MXRA7: variants seen among roughly 807,000 people sequenced by gnomAD.
The protein encoded by MXRA7 is matrix remodeling associated 7.
MXRA7 carries 18 observed loss-of-function variants against 17.4 expected under a neutral mutation model. The observed-to-expected ratio is 1.03, with a 90% CI of 0.71 to 1.53. MXRA7 has a LOEUF of 1.53. MXRA7 is among the 40% of genes most tolerant of loss of function. MXRA7 has a pLI of 0.00. For synonymous variants in MXRA7, 70 were observed against 101.7 expected (o/e 0.69, Z 1.87); for missense variants, 141 against 209.3 (o/e 0.67, Z 2.01).
chr17:76,675,854 G>A (rs569550786), downstream of MXRA7: 1 of 152,352 alleles, frequency 6.6e-6, no homozygotes, highest in South Asian at 2.1e-4. Context: ...AGAGGCGACG[G>A]CGGGAAGTTA....
intron 3 of MXRA7, chr17:76,683,820 A>G: frequency 6.3e-7 from 1 of 1,578,270 alleles, no homozygotes; most frequent in Non-Finnish European, 8.7e-7. Flanking sequence ...GGGGAGCACC[A>G]CTAGTCTAAG....
intron 1 of MXRA7, among the ~76,000 whole-genome samples, chr17:76,701,713 T>A (rs1204564391): frequency 6.6e-6 from 1 of 152,064 alleles, no homozygotes; most frequent in Non-Finnish European, 1.5e-5. Context: ...ACAGGATCAC[T>A]GTTCCTGCGA....
rs747411198 is a variant in MXRA7, at chr17:76,680,825, C to A, written c.*42G>T. On this transcript the variant is annotated 3_prime_UTR_variant, in exon 4 of 4. Coordinates refer to ENST00000449428, the MANE Select transcript of MXRA7 (RefSeq NM_198530.4). ...TTTTATCTCTCAAGCTTTTAAGATG[C>A]CAAAAGGAAAAGCCTTTAGGAGGAC... 82 of 1,602,528 alleles carry A rather than the reference C, an allele frequency of 5.1e-5. 1 individual carries two copies. Among genetic ancestry groups the A allele is most frequent in the Admixed American group, 4.1e-4 (24 of 58,036 alleles).
chr17:76,693,486 AAAAAAAAG>A (rs2076499885), intron 1 of MXRA7, among the ~76,000 whole-genome samples: 1 of 151,228 alleles, frequency 6.6e-6, no homozygotes, highest in Non-Finnish European at 1.5e-5. Context: ...AAAAAAAAAA[AAAAAAAAG>A]AAAAAGAAAT....
intron 1 of MXRA7, among the ~76,000 whole-genome samples, chr17:76,702,731 A>C (rs1250123848): frequency 6.6e-6 from 1 of 151,758 alleles, no homozygotes; most frequent in Non-Finnish European, 1.5e-5. Context: ...AGGTGCCTGT[A>C]ATCCCAACTA....
chr17:76,693,379 C>G (rs992588831), intron 1 of MXRA7, among the ~76,000 whole-genome samples: 1 of 147,754 alleles, frequency 6.8e-6, no homozygotes, highest in Non-Finnish European at 1.5e-5. Context: ...GCAGGAGAAT[C>G]GTTGGACCCT....
intron 1 of MXRA7, among the ~76,000 whole-genome samples, chr17:76,694,927 G>A (rs2076517450): frequency 6.6e-6 from 1 of 152,112 alleles, no homozygotes; most frequent in Non-Finnish European, 1.5e-5. Context: ...GGAGGCTGAG[G>A]TGGGTGGATC....
chr17:76,695,133 C>T (rs1359490289), intron 1 of MXRA7, among the ~76,000 whole-genome samples: 1 of 152,134 alleles, frequency 6.6e-6, no homozygotes, highest in African/African-American at 2.4e-5. Flanking sequence ...GCACTCCAGC[C>T]TGGGCAACAA....
intron 3 of MXRA7, 113 bp downstream of exon 3, chr17:76,684,959 G>A: frequency 1.2e-6 from 1 of 842,616 alleles, no homozygotes; most frequent in Admixed American, 2.0e-5. Flanking sequence ...GCGTGTAGGA[G>A]CCCCACCTCC....
At chr17:76,675,741 C>T (rs374088869), downstream of MXRA7, 5 of 151,900 alleles carry the variant, frequency 3.3e-5, no homozygotes, top group South Asian at 4.2e-4. Context: ...GAAAAACACT[C>T]GTATTTGGAT....
chr17:76,677,143 T>C (rs1328776758), downstream of MXRA7: 1 of 154,782 alleles, frequency 6.5e-6, no homozygotes, highest in East Asian at 1.9e-4. Flanking sequence ...AAATACAAAA[T>C]TAGCCAGGTG....
intron 3 of MXRA7, among the ~76,000 whole-genome samples, chr17:76,682,137 T>C (rs377291401): frequency 1.6e-4 from 25 of 152,194 alleles, no homozygotes; most frequent in East Asian, 3.8e-4. Flanking sequence ...GGGGAACTAA[T>C]TGGGGGCCTT....
At chr17:76,706,285 C>CCCACGCTGCCGTCACAGAGGA (rs2076656760) in intron 1 of MXRA7, among the ~76,000 whole-genome samples, 1 of 116,756 alleles carries the variant, frequency 8.6e-6, no homozygotes, top group African/African-American at 3.1e-5. Context: ...GTCACAGAGG[C>CCCACGCTGCCGTCACAGAGGA]CCACGCTGCC....
chr17:76,703,037 A>G (rs919702117), intron 1 of MXRA7, among the ~76,000 whole-genome samples: 1 of 150,992 alleles, frequency 6.6e-6, no homozygotes, highest in Non-Finnish European at 1.5e-5. Context: ...GCTTGAGCCC[A>G]GGAGGTGGAG....
chr17:76,703,049 T>C (rs1189548905), intron 1 of MXRA7, among the ~76,000 whole-genome samples: 2 of 151,154 alleles, frequency 1.3e-5, no homozygotes, highest in Non-Finnish European at 2.9e-5. Flanking sequence ...GAGGTGGAGG[T>C]TGCAGTGAGC....
At chr17:76,683,899 G>A in intron 3 of MXRA7, 1 of 1,614,136 alleles carries the variant, frequency 6.2e-7, no homozygotes, top group Non-Finnish European at 8.5e-7. Flanking sequence ...ACTTGCTACA[G>A]GGAAGTGAGG....
At chr17:76,708,700 T>G (rs2076688565) in intron 1 of MXRA7, among the ~76,000 whole-genome samples, 1 of 152,214 alleles carries the variant, frequency 6.6e-6, no homozygotes. Flanking sequence ...ACAATATCTG[T>G]GTCCCCACAG....
At chr17:76,695,688 T>A (rs1383893290) in intron 1 of MXRA7, among the ~76,000 whole-genome samples, 1 of 152,120 alleles carries the variant, frequency 6.6e-6, no homozygotes, top group Non-Finnish European at 1.5e-5. Context: ...GAAGGGCATC[T>A]GGGCAGAGTG....
At chr17:76,701,085 G>C (rs1399692959) in intron 1 of MXRA7, among the ~76,000 whole-genome samples, 2 of 152,096 alleles carry the variant, frequency 1.3e-5, no homozygotes, top group African/African-American at 4.8e-5. Flanking sequence ...CTGTGAGCAG[G>C]GGCCGGGGGG....
Sources: gnomAD v4.1 joint callset for allele counts (sites outside exome capture counted in the v4.1 genomes callset) on GRCh38, gnomAD v4.1.1 for gene constraint, MANE v1.5 for transcripts, NCBI Gene and HGNC (gene_info 2026-07-23, HGNC 2026-07-21) for gene names.